DLC1: variants seen among roughly 807,000 people sequenced by gnomAD.
DLC1 encodes the protein rho GTPase-activating protein 7.
A neutral mutation model predicts 140.3 loss-of-function variants in DLC1; 54 were observed. That is an observed-to-expected ratio of 0.38 (90% CI 0.31 to 0.48). The LOEUF is 0.48. DLC1 is among the 20% of genes least tolerant of loss of function. The probability of loss-of-function intolerance (pLI) is 0.96; values close to 1 mark genes in which losing one functional copy is unlikely to be tolerated. For synonymous variants in DLC1, 986 were observed against 728.1 expected (o/e 1.35, Z -5.70); for missense variants, 2,536 against 1,907.0 (o/e 1.33, Z -6.14).
intron 4 of DLC1, among the ~76,000 whole-genome samples, chr8:13,316,816 T>G (rs746562826): frequency 6.6e-6 from 1 of 152,178 alleles, no homozygotes; most frequent in Non-Finnish European, 1.5e-5. Context: ...GACTGCAGTA[T>G]CCCTTGTGTT....
intron 2 of DLC1, among the ~76,000 whole-genome samples, chr8:13,438,487 T>C (rs1271655447): frequency 6.6e-6 from 1 of 152,262 alleles, no homozygotes; most frequent in African/African-American, 2.4e-5. Context: ...CTTCTCTCAC[T>C]CAGAATAATT....
At chr8:13,381,542 CT>C (rs1836261568) in intron 4 of DLC1, among the ~76,000 whole-genome samples, 1 of 152,196 alleles carries the variant, frequency 6.6e-6, no homozygotes, top group South Asian at 2.1e-4. Context: ...GCGTGGCAGT[CT>C]CTGTCGTTGT....
intron 2 of DLC1, among the ~76,000 whole-genome samples, chr8:13,438,903 G>A (rs1839239263): frequency 6.6e-6 from 1 of 152,170 alleles, no homozygotes. Context: ...TGAAGTGTAC[G>A]TATTTTAGCC....
At chr8:13,550,674 T>C (rs929269977) in intron 1 of DLC1, among the ~76,000 whole-genome samples, 5 of 152,168 alleles carry the variant, frequency 3.3e-5, no homozygotes, top group Non-Finnish European at 7.4e-5. Flanking sequence ...CCAGAGCAGC[T>C]TGTGTTATCT....
At chr8:13,220,993 A>T (rs1828517481) in intron 5 of DLC1, among the ~76,000 whole-genome samples, 1 of 152,194 alleles carries the variant, frequency 6.6e-6, no homozygotes, top group African/African-American at 2.4e-5. Context: ...TTAGGTGATC[A>T]CATTTTAAAT....
At position 13,498,696 on chromosome 8, in the gene DLC1, A is replaced by G. The variant is rs183829758; in HGVS notation, c.1023+353T>C. On this transcript the variant is annotated intron_variant, in intron 2 of 17. Transcript: ENST00000276297. ...CTATAACAGTACCATGACTTTCTTT[A>G]TAAGAATTAGAAATCACTCTACAGA... 3.3e-5 allele frequency among the ~76,000 whole-genome samples: 5 copies of G among 152,328 alleles called. No homozygotes were observed. The East Asian group carries it at 9.6e-4, about 29-fold the overall frequency.
At chr8:13,574,474 T>C (rs1220507936) in intron 1 of DLC1, among the ~76,000 whole-genome samples, 1 of 152,102 alleles carries the variant, frequency 6.6e-6, no homozygotes, top group African/African-American at 2.4e-5. Flanking sequence ...ACCCATGAGA[T>C]TCTAATACAG....
At chr8:13,401,419 G>A (rs745863173) in intron 3 of DLC1, 51 bp downstream of exon 3, 4 of 1,600,628 alleles carry the variant, frequency 2.5e-6, no homozygotes, top group South Asian at 1.1e-5. Flanking sequence ...ACTGTATAAG[G>A]TCAAGAGTTA....
At chr8:13,185,452 C>T (rs544683678) in intron 5 of DLC1, among the ~76,000 whole-genome samples, 33 of 151,924 alleles carry the variant, frequency 2.2e-4, no homozygotes, top group Non-Finnish European at 3.1e-4. Flanking sequence ...GGACTACAGG[C>T]GCCCGCCACC....
chr8:13,344,574 C>G (rs1469594255), intron 4 of DLC1, among the ~76,000 whole-genome samples: 6 of 152,218 alleles, frequency 3.9e-5, no homozygotes, highest in African/African-American at 9.6e-5. Context: ...TACGGAGTGA[C>G]AAGTGGCTTT....
At chr8:13,249,818 C>G (rs925806577) in intron 5 of DLC1, among the ~76,000 whole-genome samples, 1 of 152,174 alleles carries the variant, frequency 6.6e-6, no homozygotes, top group African/African-American at 2.4e-5. Context: ...CCCCATTGAT[C>G]CTTCTTTTTC....
At chr8:13,359,905 G>C (rs1467323886) in intron 4 of DLC1, among the ~76,000 whole-genome samples, 1 of 152,162 alleles carries the variant, frequency 6.6e-6, no homozygotes, top group African/African-American at 2.4e-5. Context: ...AAATGTTCAG[G>C]ATATTGCAGA....
At chr8:13,226,880 T>C (rs75541891) in intron 5 of DLC1, among the ~76,000 whole-genome samples, 172 of 152,278 alleles carry the variant, frequency 1.1e-3, no homozygotes, top group African/African-American at 4.0e-3. Flanking sequence ...CCTTGATTGG[T>C]TCTGAGCTTC....
At chr8:13,134,725 G>A (rs1043096763) in intron 5 of DLC1, among the ~76,000 whole-genome samples, 1 of 152,134 alleles carries the variant, frequency 6.6e-6, no homozygotes, top group African/African-American at 2.4e-5. Flanking sequence ...TTTGGGAACC[G>A]AGGTGGGAGG....
intron 3 of DLC1, among the ~76,000 whole-genome samples, chr8:13,396,617 C>G (rs1166222538): frequency 6.6e-6 from 1 of 152,118 alleles, no homozygotes; most frequent in African/African-American, 2.4e-5. Flanking sequence ...AAAGTCGTAT[C>G]CCAAGGTAGA....
At chr8:13,219,851 T>C (rs1055084230) in intron 5 of DLC1, among the ~76,000 whole-genome samples, 3 of 152,128 alleles carry the variant, frequency 2.0e-5, no homozygotes, top group Non-Finnish European at 4.4e-5. Flanking sequence ...TAAAAAGGAA[T>C]GAAGTACTGA....
Position 13,359,116 on chromosome 8 carries a change from T to A in DLC1, c.1314+34437A>T, listed in dbSNP as rs1835092135. Among the ~76,000 whole-genome samples, 5 of 152,110 alleles carry A rather than the reference T, an allele frequency of 3.3e-5. No homozygotes were observed. In the South Asian group the frequency reaches 1.0e-3, roughly 32 times the overall value. On this transcript the variant is annotated intron_variant, in intron 4 of 17. Coordinates refer to ENST00000276297, the MANE Select transcript of DLC1 (RefSeq NM_182643.3). ...ACCACGCCCGGCTAATTTTTTCGTATTTTTAGTAGAGATGGGGTTTCACCG... is the reference window on the plus strand; with the variant it reads ...ACCACGCCCGGCTAATTTTTTCGTAATTTTAGTAGAGATGGGGTTTCACCG...
At chr8:13,141,696 G>A (rs1823003773) in intron 5 of DLC1, among the ~76,000 whole-genome samples, 1 of 152,098 alleles carries the variant, frequency 6.6e-6, no homozygotes, top group Non-Finnish European at 1.5e-5. Context: ...AGCTATTTCT[G>A]GAAACCCCTA....
At chr8:13,436,224 A>G (rs944792928) in intron 2 of DLC1, among the ~76,000 whole-genome samples, 1 of 152,218 alleles carries the variant, frequency 6.6e-6, no homozygotes, top group Non-Finnish European at 1.5e-5. Context: ...TTCACATTCT[A>G]TCATTATTTT....
Sources: allele counts gnomAD v4.1 joint callset (sites outside exome capture counted in the v4.1 genomes callset), GRCh38; gene constraint gnomAD v4.1.1; transcripts MANE v1.5; gene names NCBI Gene and HGNC (gene_info 2026-07-23, HGNC 2026-07-21).